Variants in XRRA1 observed in about 807,000 individuals in gnomAD.
The protein encoded by XRRA1 is X-ray radiation resistance-associated protein 1.
In XRRA1, 69 loss-of-function variants were observed where a neutral mutation model predicts 80.2. The ratio of observed to expected loss-of-function variants is 0.86; its 90% CI spans 0.71 to 1.05. The LOEUF (loss-of-function observed/expected upper bound fraction) is 1.05. XRRA1 is among the 50% of genes least tolerant of loss of function. XRRA1 has a pLI of 0.00. For missense variants in XRRA1, 967 were observed against 976.4 expected (o/e 0.99, Z 0.13); for synonymous variants, 348 against 389.9 (o/e 0.89, Z 1.27).
intron 10 of XRRA1, among the ~76,000 whole-genome samples, chr11:74,886,565 A>G (rs1023173967): frequency 2.0e-5 from 3 of 152,136 alleles, no homozygotes; most frequent in African/African-American, 7.2e-5. Flanking sequence ...AAAATCAGAA[A>G]TGACACAAAC....
chr11:74,865,890 A>G (rs995094150), intron 10 of XRRA1, among the ~76,000 whole-genome samples: 1 of 152,162 alleles, frequency 6.6e-6, no homozygotes, highest in African/African-American at 2.4e-5. Flanking sequence ...AGCCACACCA[A>G]TCTCAGTCTT....
At chr11:74,942,007 G>A (rs763633428) in intron 2 of XRRA1, among the ~76,000 whole-genome samples, 3 of 152,108 alleles carry the variant, frequency 2.0e-5, no homozygotes, top group Non-Finnish European at 4.4e-5. Flanking sequence ...CAGCTACTTG[G>A]GAGGCTGAAG....
In XRRA1 at chr11:74,886,635, T is replaced by C. The variant is rs578083854; in HGVS notation, c.1003+19604A>G. Among the ~76,000 whole-genome samples, 6 of 152,282 alleles carry C rather than the reference T, an allele frequency of 3.9e-5. No homozygotes were observed. The South Asian group carries it at 8.3e-4, about 21-fold the overall frequency. ...AATCAATACTGTTAAACTGGCCATA[T>C]TGCCCAAAGCAATTTATAGATTCAA... is the stretch of plus-strand genomic sequence containing the variant. On this transcript the variant is annotated intron_variant, in intron 10 of 18. Transcript: ENST00000684022.
At chr11:74,886,770 G>A (rs778728710) in intron 10 of XRRA1, among the ~76,000 whole-genome samples, 1 of 152,092 alleles carries the variant, frequency 6.6e-6, no homozygotes, top group Non-Finnish European at 1.5e-5. Flanking sequence ...GAAGTCCTAA[G>A]CAAAAAGAAC....
intron 5 of XRRA1, chr11:74,933,548 G>A (rs1465411131): frequency 8.7e-6 from 3 of 344,312 alleles, no homozygotes; most frequent in South Asian, 3.9e-5. Flanking sequence ...GAGCCACCAC[G>A]CCTGGCCCAT....
intron 10 of XRRA1, 117 bp from the exon 11 acceptor site, chr11:74,863,138 C>G (rs1416947526): frequency 4.5e-6 from 4 of 897,330 alleles, no homozygotes; most frequent in East Asian, 2.6e-5. Flanking sequence ...AGAGGGAGTT[C>G]TCATTGGTCC....
intron 10 of XRRA1, among the ~76,000 whole-genome samples, chr11:74,874,013 G>A (rs1360603439): frequency 6.6e-5 from 10 of 151,842 alleles, no homozygotes; most frequent in Admixed American, 2.0e-4. Context: ...CGAGGTGGGC[G>A]GATCATGAAG....
intron 10 of XRRA1, among the ~76,000 whole-genome samples, chr11:74,873,287 T>A (rs1252874624): frequency 6.6e-6 from 1 of 151,948 alleles, no homozygotes; most frequent in Non-Finnish European, 1.5e-5. Context: ...ATATTAGGAG[T>A]GCAAAAACCC....
chr11:74,852,102 G>T lies in XRRA1; in HGVS notation c.1171-20C>A. 6.2e-7 allele frequency: 1 copy of T among 1,606,398 alleles called. No individual in the cohort carries two copies. The highest frequency in any genetic ancestry group is 1.1e-5 in the South Asian group (1 of 90,948). On this transcript the variant is annotated intron_variant, in intron 12 of 18. Coordinates refer to ENST00000684022, the MANE Select transcript of XRRA1 (RefSeq NM_001378157.1). ...TGCGATCTGTAATGAATGCAGGAGA[G>T]ACTCTCAGGTTGACACCACCCCTCA...
intron 10 of XRRA1, among the ~76,000 whole-genome samples, chr11:74,901,784 T>G (rs2053612552): frequency 6.6e-6 from 1 of 152,148 alleles, no homozygotes; most frequent in South Asian, 2.1e-4. Flanking sequence ...TTTATTTGAA[T>G]TAAATATAAG....
At chr11:74,862,852 T>C (rs977107256) in intron 11 of XRRA1, 129 bp downstream of exon 11, 10 of 823,744 alleles carry the variant, frequency 1.2e-5, no homozygotes, top group Admixed American at 1.1e-4. Context: ...CAACTACCTA[T>C]TCAATGAATG....
chr11:74,871,762 C>A (rs571313835), intron 10 of XRRA1, among the ~76,000 whole-genome samples: 1 of 152,266 alleles, frequency 6.6e-6, no homozygotes, highest in East Asian at 1.9e-4. Flanking sequence ...GGTTCAAGTT[C>A]CTGTCTCATT....
intron 10 of XRRA1, among the ~76,000 whole-genome samples, chr11:74,878,817 G>A (rs368576404): frequency 7.9e-5 from 12 of 151,708 alleles, no homozygotes; most frequent in African/African-American, 2.9e-4. Context: ...TGTTCCATTG[G>A]TCTATATCTC....
chr11:74,930,363 T>G lies in XRRA1; in HGVS notation c.361A>C (p.Asn121His), dbSNP rs1353889053. 1 of 1,560,692 alleles carries G rather than the reference T, an allele frequency of 6.4e-7. No homozygotes were observed. The highest frequency in any genetic ancestry group is 1.4e-5 in the African/African-American group (1 of 73,574). The change falls in exon 6 of 19, where the codon AAT (asparagine) becomes CAT (histidine). Residue 121 changes from asparagine to histidine, a missense_variant. By Grantham distance (68) the Asn-to-His change is moderately conservative. Transcript: ENST00000684022. ...SGLKFSKAKE[N>H]DFKHFHSVIY... ...ACAGAATGAAAATGCTTGAAGTCAT[T>G]TTCCTTGGCCTGTAGGAAAGCATTT... is the stretch of plus-strand genomic sequence containing the variant.
In XRRA1 at chr11:74,874,398, G is replaced by T. The variant is rs35198465; in HGVS notation, c.1004-11377C>A. On this transcript the variant is annotated intron_variant, in intron 10 of 18. Coordinates refer to ENST00000684022, the MANE Select transcript of XRRA1 (RefSeq NM_001378157.1). ...CCATAGGGAGGGTCTTCAATCTTTTGTATCAGAAAGGAAGGGAATGGCCCT... is the reference window on the plus strand; with the variant it reads ...CCATAGGGAGGGTCTTCAATCTTTTTTATCAGAAAGGAAGGGAATGGCCCT... 3.2e-3 allele frequency among the ~76,000 whole-genome samples: 486 copies of T among 152,184 alleles called. 3 individuals carry two copies. Among genetic ancestry groups the T allele is most frequent in the Non-Finnish European group, 4.9e-3 (331 of 68,020 alleles).
intron 7 of XRRA1, among the ~76,000 whole-genome samples, chr11:74,926,360 T>C (rs577564165): frequency 3.3e-5 from 5 of 152,176 alleles, no homozygotes; most frequent in African/African-American, 4.8e-5. Flanking sequence ...AAGTGAGGCT[T>C]TTGTGAAGAA....
intron 10 of XRRA1, among the ~76,000 whole-genome samples, chr11:74,869,699 T>C (rs78403173): frequency 0.01 from 1,563 of 152,268 alleles, 32 homozygotes; most frequent in African/African-American, 0.034. Context: ...CTAGTTCTAA[T>C]GAGTTTTTCA....
intron 1 of XRRA1, among the ~76,000 whole-genome samples, chr11:74,948,010 G>T (rs1245604577): frequency 6.6e-6 from 1 of 152,116 alleles, no homozygotes; most frequent in Non-Finnish European, 1.5e-5. Flanking sequence ...CCCACGCCCG[G>T]CCGAGATAAT....
At chr11:74,946,170 C>T (rs940909213) in intron 1 of XRRA1, among the ~76,000 whole-genome samples, 1 of 152,066 alleles carries the variant, frequency 6.6e-6, no homozygotes, top group African/African-American at 2.4e-5. Context: ...ACCATGTTGC[C>T]CAGGCTGCCT....
Sources: gnomAD v4.1 joint callset for allele counts (sites outside exome capture counted in the v4.1 genomes callset) on GRCh38, gnomAD v4.1.1 for gene constraint, MANE v1.5 for transcripts, NCBI Gene and HGNC (gene_info 2026-07-23, HGNC 2026-07-21) for gene names.